APH1A: variants seen among roughly 807,000 people sequenced by gnomAD.
The protein encoded by APH1A is aph-1A gamma-secretase subunit, also known as gamma-secretase subunit APH-1A.
In APH1A, 16 loss-of-function variants were observed where a neutral mutation model predicts 30.3. The ratio of observed to expected loss-of-function variants is 0.53; its 90% CI spans 0.36 to 0.80. The LOEUF is 0.80. APH1A is among the 30% of genes least tolerant of loss of function. The pLI, the probability that APH1A is intolerant of heterozygous loss-of-function variation, is 0.01. For synonymous variants in APH1A, 144 were observed against 140.1 expected (o/e 1.03, Z -0.20); for missense variants, 245 against 337.8 (o/e 0.73, Z 2.15).
rs1553850194 is a variant in APH1A at position 150,267,587 on chromosome 1, G to A, written c.359-109C>T. The A allele has an allele frequency of 3.2e-6, 5 of 1,583,320 alleles. No individual in the cohort carries two copies. In the African/African-American group the frequency reaches 4.0e-5, roughly 13 times the overall value. On this transcript the variant is annotated intron_variant, in intron 3 of 6. Coordinates refer to ENST00000369109, the MANE Select transcript of APH1A (RefSeq NM_001077628.3). ...TTCTTTCACATCTACTCTCCCTCCA[G>A]ACCAACTTTCTTTGGAAGTGACGGA...
In APH1A at chr1:150,267,768, T is replaced by C. The variant is rs199977984; in HGVS notation, c.306A>G (p.Ala102=). 1.9e-6 allele frequency: 3 copies of C among 1,609,738 alleles called. No homozygotes were observed. Among genetic ancestry groups the C allele is most frequent in the South Asian group, 2.2e-5 (2 of 90,840 alleles). ...GTGATCTTCCGTCCTCACTCAGCGA[T>C]GCTAACCCCTCATCTGCCTTCCTGG... ...KLLKKADEGL[A]SLSEDGRSPI... Residue 102 remains alanine (A), a synonymous_variant, in exon 3 of 7, where the codon GCA becomes GCG. Coordinates refer to ENST00000369109, the MANE Select transcript of APH1A (RefSeq NM_001077628.3).
At chr1:150,267,042 T>C in intron 5 of APH1A, 33 bp downstream of exon 5, 1 of 1,612,580 alleles carries the variant, frequency 6.2e-7, no homozygotes, top group Non-Finnish European at 8.5e-7. Context: ...TAAATGCTTT[T>C]CTCCCTAACT....
Position 150,266,672 on chromosome 1 carries a change from A to G in APH1A, c.610-16T>C. 3.7e-6 allele frequency: 6 copies of G among 1,613,334 alleles called. No individual in the cohort carries two copies. Among genetic ancestry groups the G allele is most frequent in the Non-Finnish European group, 5.1e-6 (6 of 1,179,560 alleles). On this transcript the variant is annotated splice_polypyrimidine_tract_variant and intron_variant, in intron 5 of 6. Coordinates refer to ENST00000369109, the MANE Select transcript of APH1A (RefSeq NM_001077628.3). ...TCAGGAATGTCTAGGAAGGAGGGTA[A>G]GAGTAGGAAAGAGATTAGATTCTCC... is the stretch of plus-strand genomic sequence containing the variant.
intron 6 of APH1A, 164 bp downstream of exon 6, chr1:150,266,369 G>T: frequency 6.7e-7 from 1 of 1,485,832 alleles, no homozygotes; most frequent in South Asian, 1.4e-5. Flanking sequence ...AGAGACTAAC[G>T]GTCACAAAAG....
In APH1A at chr1:150,267,112, C is replaced by G; in HGVS notation, c.572G>C (p.Gly191Ala). The change falls in exon 5 of 7, where the codon GGC becomes GCC. Residue 191 changes from glycine (G) to alanine (A), a missense_variant. Gly to Ala is a moderately conservative substitution (Grantham distance 60, BLOSUM62 0). Coordinates refer to ENST00000369109, the MANE Select transcript of APH1A (RefSeq NM_001077628.3). ...CAGTAGGTGACTCCCAACCACCAGG[C>G]CCAAAGCCCAGTACCGTCTCCTCTC... Reference protein sequence around the residue: ...ACERRRYWALGLVVGSHLLTS... With the variant: ...ACERRRYWALALVVGSHLLTS... 6.2e-7 allele frequency: 1 copy of G among 1,614,172 alleles called. No homozygotes were observed. The highest frequency in any genetic ancestry group is 8.5e-7 in the Non-Finnish European group (1 of 1,180,028).
At chr1:150,267,626 G>T in intron 3 of APH1A, 90 bp downstream of exon 3, 1 of 1,570,328 alleles carries the variant, frequency 6.4e-7, no homozygotes, top group Non-Finnish European at 8.7e-7. Flanking sequence ...AGGAAAGTAA[G>T]AAGCCACTTA....
In APH1A at chr1:150,267,083, AT is replaced by A; in HGVS notation, c.600del (p.Ser201ArgfsTer3). 6.2e-7 allele frequency: 1 copy of A among 1,614,148 alleles called. No individual in the cohort carries two copies. Among genetic ancestry groups the A allele is most frequent in the Non-Finnish European group, 8.5e-7 (1 of 1,180,020 alleles). ...LGLVVGSHLL[T>X]SGLTFLNPWY... Reference sequence around the variant, plus strand: ...CCCTGTCTCCAACTCACCAGTCCCGATGTCAGTAGGTGACTCCCAACCACCA... The same window carrying A: ...CCCTGTCTCCAACTCACCAGTCCCGAGTCAGTAGGTGACTCCCAACCACCA... On this transcript the variant is annotated frameshift_variant, in exon 5 of 7. Transcript: ENST00000369109. LOFTEE classifies it high-confidence loss of function.
Position 150,267,416 on chromosome 1 carries a change from C to T in APH1A, c.421G>A (p.Ala141Thr). Residue 141 changes from alanine (A) to threonine (T), a missense_variant, in exon 4 of 7, where the codon GCA becomes ACA. Physicochemically the swap from Ala to Thr is moderately conservative, Grantham distance 58. Coordinates refer to ENST00000369109, the MANE Select transcript of APH1A (RefSeq NM_001077628.3). ...VFSVINILAD[A>T]LGPGVVGIHG... ...ATCCCAACCACACCTGGCCCAAGTG[C>T]ATCAGCCAAAATATTGATAACAGAG... 6.2e-7 allele frequency: 1 copy of T among 1,614,138 alleles called. No individual in the cohort carries two copies. The highest frequency in any genetic ancestry group is 8.5e-7 in the Non-Finnish European group (1 of 1,180,034).
chr1:150,268,566 C>G (rs782043347), intron 1 of APH1A, 132 bp downstream of exon 1: 1 of 889,620 alleles, frequency 1.1e-6, no homozygotes, highest in Non-Finnish European at 1.7e-6. Context: ...GACCCAACCC[C>G]TCACCTCCGC....
chr1:150,267,093 G>A lies in APH1A; in HGVS notation c.591C>T (p.His197=), dbSNP rs202029718. 2.2e-5 allele frequency: 35 copies of A among 1,614,028 alleles called. No individual in the cohort carries two copies. Among genetic ancestry groups the A allele is most frequent in the Non-Finnish European group, 2.7e-5 (32 of 1,180,042 alleles). ...YWALGLVVGS[H]LLTSGLTFLN... Reference sequence around the variant, plus strand: ...AACTCACCAGTCCCGATGTCAGTAGGTGACTCCCAACCACCAGGCCCAAAG... The same window carrying A: ...AACTCACCAGTCCCGATGTCAGTAGATGACTCCCAACCACCAGGCCCAAAG... Residue 197 remains histidine (H), a synonymous_variant, in exon 5 of 7, where the codon CAC becomes CAT. Transcript: ENST00000369109.
chr1:150,267,904 C>G, intron 2 of APH1A, 53 bp downstream of exon 2: 2 of 1,612,788 alleles, frequency 1.2e-6, no homozygotes, highest in Non-Finnish European at 1.7e-6. Context: ...TGCCCCACTT[C>G]CCATAGTGCA....
At position 150,265,985 on chromosome 1, in the gene APH1A, G is replaced by T; in HGVS notation, c.*145C>A. On this transcript the variant is annotated 3_prime_UTR_variant, in exon 7 of 7. Coordinates refer to ENST00000369109, the MANE Select transcript of APH1A (RefSeq NM_001077628.3). ...AAACTCAGAGCTCATCTATCCTTGAGCCTCCATTAATTTCATCTCCAGGGC... is the reference window on the plus strand; with the variant it reads ...AAACTCAGAGCTCATCTATCCTTGATCCTCCATTAATTTCATCTCCAGGGC... 1 of 946,582 alleles carries T rather than the reference G, an allele frequency of 1.1e-6. No individual in the cohort carries two copies. Among genetic ancestry groups the T allele is most frequent in the Non-Finnish European group, 1.6e-6 (1 of 639,326 alleles). The allele number at this position is 946,582 out of a possible 1,614,324, so 58.6% of individuals were successfully genotyped here. A position where few individuals can be genotyped will look rare whatever the true frequency, so the allele number is the denominator to read the frequency against.
chr1:150,268,857 A>G lies in APH1A; in HGVS notation c.-47T>C, dbSNP rs1163954333. 2 of 1,539,628 alleles carry G rather than the reference A, an allele frequency of 1.3e-6. No homozygotes were observed. The highest frequency in any genetic ancestry group is 1.9e-5 in the Admixed American group (1 of 53,264). On this transcript the variant is annotated 5_prime_UTR_variant, in exon 1 of 7. Coordinates refer to ENST00000369109, the MANE Select transcript of APH1A (RefSeq NM_001077628.3). Reference sequence around the variant, plus strand: ...GGTGGGGGCCTGACCAGGACAGGCAAATGGGAGGGGCGCGCCAGCTGGGGA... The same window carrying G: ...GGTGGGGGCCTGACCAGGACAGGCAGATGGGAGGGGCGCGCCAGCTGGGGA...
At position 150,268,126 on chromosome 1, in the gene APH1A, C is replaced by T; in HGVS notation, c.115G>A (p.Ala39Thr). 1 of 1,613,316 alleles carries T rather than the reference C, an allele frequency of 6.2e-7. No individual in the cohort carries two copies. The highest frequency in any genetic ancestry group is 8.5e-7 in the Non-Finnish European group (1 of 1,179,724). The change falls in exon 2 of 7, where the codon GCA becomes ACA. Residue 39 changes from alanine to threonine, a missense_variant and splice_region_variant. Transcript: ENST00000369109. The part of the protein sequence containing the change: ...PLRVIILVAG[A>T]FFWLVSLLLA... ...AGCAGGGAGACCAGCCAGAAAAATG[C>T]CCTGAGAAAAGACAGGGGCAGTGAG...
intron 2 of APH1A, 31 bp from the exon 3 acceptor site, chr1:150,267,820 G>A (rs782138432): frequency 1.2e-6 from 2 of 1,613,410 alleles, no homozygotes; most frequent in South Asian, 2.2e-5. Flanking sequence ...GGAAACATGA[G>A]GGAGGGCAGG....
intron 3 of APH1A, 25 bp downstream of exon 3, chr1:150,267,691 C>T (rs782610145): frequency 1.2e-5 from 19 of 1,605,272 alleles, no homozygotes; most frequent in Non-Finnish European, 1.6e-5. Flanking sequence ...CAACTCCCTC[C>T]TCCAGTCCCT....
At chr1:150,268,243 G>A in intron 1 of APH1A, 116 bp from the exon 2 acceptor site, 1 of 1,228,108 alleles carries the variant, frequency 8.1e-7, no homozygotes, top group East Asian at 2.5e-5. Context: ...GATGGTTAGG[G>A]AGACATGGAC....
Position 150,267,747 on chromosome 1 carries a change from T to A in APH1A, c.327A>T (p.Arg109Ser). Residue 109 changes from arginine to serine, a missense_variant, in exon 3 of 7, where the codon AGA (arginine) becomes AGT (serine). Transcript: ENST00000369109. ...EGLASLSEDG[R>S]SPISIRQMAY... ...CCATCTGGCGGATGGAGATGGGTGA[T>A]CTTCCGTCCTCACTCAGCGATGCTA... 6.2e-7 allele frequency: 1 copy of A among 1,612,478 alleles called. No homozygotes were observed. Among genetic ancestry groups the A allele is most frequent in the Non-Finnish European group, 8.5e-7 (1 of 1,179,526 alleles).
intron 1 of APH1A, 84 bp downstream of exon 1, chr1:150,268,614 C>T (rs1174449097): frequency 5.1e-6 from 7 of 1,365,578 alleles, no homozygotes; most frequent in East Asian, 5.0e-5. Flanking sequence ...CCAATTCAGG[C>T]TCCCAGGCTT....
Sources: gnomAD v4.1 joint callset for allele counts on GRCh38, gnomAD v4.1.1 for gene constraint, MANE v1.5 for transcripts, NCBI Gene and HGNC (gene_info 2026-07-23, HGNC 2026-07-21) for gene names.